Variants in XKR6 observed in about 807,000 individuals in gnomAD.
XKR6 encodes the protein XK-related protein 6.
XKR6 carries 22 observed loss-of-function variants against 56.7 expected under a neutral mutation model. The observed-to-expected ratio is 0.39, with a 90% confidence interval of 0.28 to 0.55. The LOEUF (loss-of-function observed/expected upper bound fraction) is 0.55, where lower values mean the gene tolerates loss of function less well. Ranked by LOEUF, XKR6 falls within the 20% of genes least tolerant of loss-of-function variation. XKR6 has a pLI of 0.66. For missense variants in XKR6, 852 were observed against 889.0 expected (o/e 0.96, Z 0.53); for synonymous variants, 524 against 387.8 (o/e 1.35, Z -4.13).
chr8:10,989,200 C>T (rs867746864), intron 1 of XKR6, among the ~76,000 whole-genome samples: 2 of 152,118 alleles, frequency 1.3e-5, no homozygotes, highest in Admixed American at 1.3e-4. Context: ...AGTCAGAGCC[C>T]AGTGGTTGAA....
At chr8:10,985,102 G>A (rs984177931) in intron 1 of XKR6, among the ~76,000 whole-genome samples, 5 of 151,976 alleles carry the variant, frequency 3.3e-5, no homozygotes, top group Non-Finnish European at 5.9e-5. Flanking sequence ...ACCATGCCAG[G>A]CTAAATTTCT....
intron 1 of XKR6, among the ~76,000 whole-genome samples, chr8:11,032,960 G>A (rs1205226142): frequency 3.3e-5 from 5 of 152,150 alleles, no homozygotes; most frequent in African/African-American, 1.2e-4. Context: ...GGTACCGATG[G>A]TGATTGTAGT....
rs936173672 is a variant in XKR6 at position 10,896,698 on chromosome 8, T to A, written c.*1254A>T. The A allele has an allele frequency of 3.3e-5, 5 of 152,190 alleles. No homozygotes were observed. Among genetic ancestry groups the A allele is most frequent in the African/African-American group, 1.2e-4 (5 of 41,358 alleles). 9.4% of individuals were successfully genotyped at this position (152,190 alleles called of 1,614,324 possible). A position where few individuals can be genotyped will look rare whatever the true frequency, so the allele number is the denominator to read the frequency against. Reference sequence around the variant, plus strand: ...CAAACAGTCTTTGAAATGGGTCAGTTATTACAATTTTGACTTTTTATATAT... The same window carrying A: ...CAAACAGTCTTTGAAATGGGTCAGTAATTACAATTTTGACTTTTTATATAT... On this transcript the variant is annotated 3_prime_UTR_variant, in exon 3 of 3. Coordinates refer to ENST00000416569, the MANE Select transcript of XKR6 (RefSeq NM_173683.4).
chr8:10,993,008 A>G (rs1013876646), intron 1 of XKR6, among the ~76,000 whole-genome samples: 1 of 152,344 alleles, frequency 6.6e-6, no homozygotes, highest in African/African-American at 2.4e-5. Flanking sequence ...TCTGGTCTGT[A>G]GCAAACAACA....
intron 1 of XKR6, chr8:11,062,765 T>C (rs984010302): frequency 2.2e-6 from 1 of 456,240 alleles, no homozygotes; most frequent in Non-Finnish European, 4.4e-6. Context: ...CTTACAGAAA[T>C]TGTTCTCTCT....
At chr8:10,994,353 C>G (rs1798062584) in intron 1 of XKR6, among the ~76,000 whole-genome samples, 1 of 152,268 alleles carries the variant, frequency 6.6e-6, no homozygotes, top group Non-Finnish European at 1.5e-5. Flanking sequence ...GGATGGCACT[C>G]AGCTGCATCC....
intron 1 of XKR6, among the ~76,000 whole-genome samples, chr8:11,090,567 G>A (rs765592238): frequency 2.6e-5 from 4 of 152,050 alleles, no homozygotes; most frequent in Non-Finnish European, 5.9e-5. Context: ...ACACTTGCCT[G>A]CATTTTATGC....
At chr8:11,019,437 A>G (rs994105000) in intron 1 of XKR6, among the ~76,000 whole-genome samples, 2 of 152,150 alleles carry the variant, frequency 1.3e-5, no homozygotes, top group African/African-American at 4.8e-5. Flanking sequence ...TTCTTCCTCC[A>G]TCCCACCTCT....
chr8:10,929,998 T>C (rs185196400), intron 1 of XKR6, among the ~76,000 whole-genome samples: 1 of 152,340 alleles, frequency 6.6e-6, no homozygotes, highest in Non-Finnish European at 1.5e-5. Flanking sequence ...GTCATCTTCT[T>C]TTTCCTGCTG....
chr8:11,069,240 C>CAAAAAA (rs112907257), intron 1 of XKR6, among the ~76,000 whole-genome samples: 1 of 140,292 alleles, frequency 7.1e-6, no homozygotes, highest in Non-Finnish European at 1.6e-5. Context: ...AAAGATATGC[C>CAAAAAA]AAAAAAAAAA....
At chr8:11,111,581 AG>A (rs1798895062) in intron 1 of XKR6, 1 of 152,206 alleles carries the variant, frequency 6.6e-6, no homozygotes, top group African/African-American at 2.4e-5. Flanking sequence ...AGACAAGAAT[AG>A]GCATAGGAGG....
intron 1 of XKR6, among the ~76,000 whole-genome samples, chr8:10,962,644 G>C (rs1298724259): frequency 6.7e-6 from 1 of 150,072 alleles, no homozygotes; most frequent in Non-Finnish European, 1.5e-5. Context: ...TTTTGTTTTT[G>C]AGACAGAGTC....
intron 1 of XKR6, among the ~76,000 whole-genome samples, chr8:10,930,837 G>C (rs1456920085): frequency 1.3e-5 from 2 of 152,176 alleles, no homozygotes; most frequent in Admixed American, 1.3e-4. Flanking sequence ...AATGATAAAA[G>C]ACTGAATGCT....
chr8:10,943,695 C>G (rs2129124428), intron 1 of XKR6, among the ~76,000 whole-genome samples: 1 of 152,272 alleles, frequency 6.6e-6, no homozygotes, highest in African/African-American at 2.4e-5. Flanking sequence ...TACGATCGTC[C>G]TCAGATGAAG....
intron 1 of XKR6, among the ~76,000 whole-genome samples, chr8:11,057,338 T>C (rs1799711093): frequency 6.6e-6 from 1 of 152,198 alleles, no homozygotes; most frequent in African/African-American, 2.4e-5. Flanking sequence ...TAAGCTTGCA[T>C]GAGAGGGCTT....
At chr8:11,172,812 A>G (rs1229278219) in intron 1 of XKR6, among the ~76,000 whole-genome samples, 1 of 152,200 alleles carries the variant, frequency 6.6e-6, no homozygotes, top group Non-Finnish European at 1.5e-5. Context: ...GCAGGCCCCA[A>G]AGAAAAACAC....
chr8:11,045,230 G>A (rs180873898), intron 1 of XKR6, among the ~76,000 whole-genome samples: 1 of 151,686 alleles, frequency 6.6e-6, no homozygotes, highest in African/African-American at 2.4e-5. Context: ...GAGACTACAG[G>A]CACACACCAC....
intron 1 of XKR6, among the ~76,000 whole-genome samples, chr8:10,947,591 A>G (rs1436247336): frequency 6.6e-6 from 1 of 152,188 alleles, no homozygotes; most frequent in Non-Finnish European, 1.5e-5. Context: ...ATCCACACCC[A>G]AAGAAGGAGG....
Position 10,977,552 on chromosome 8 carries a change from C to T in XKR6, c.765-52722G>A, listed in dbSNP as rs184795886. Among the ~76,000 whole-genome samples the T allele has an allele frequency of 2.0e-5, 3 of 150,866 alleles. 1 individual carries two copies. Among genetic ancestry groups the T allele is most frequent in the Admixed American group, 1.3e-4 (2 of 15,044 alleles). On this transcript the variant is annotated intron_variant, in intron 1 of 2. Coordinates refer to ENST00000416569, the MANE Select transcript of XKR6 (RefSeq NM_173683.4). ...AACAACAGAACTATCCAAGCCCCAG[C>T]CCATTAGCATGAGCCATCTTCAACA... is the stretch of plus-strand genomic sequence containing the variant.
Sources: gnomAD v4.1 joint callset for allele counts (sites outside exome capture counted in the v4.1 genomes callset) on GRCh38, gnomAD v4.1.1 for gene constraint, MANE v1.5 for transcripts, NCBI Gene and HGNC (gene_info 2026-07-23, HGNC 2026-07-21) for gene names.